The following HERC5 variants were observed in gnomAD, a reference collection of about 807,000 sequenced individuals.
HERC5 encodes E3 ISG15--protein ligase HERC5.
Under a neutral mutation model 119.6 loss-of-function variants are expected in HERC5, and 99 were observed. The ratio of observed to expected loss-of-function variants is 0.83; its 90% CI spans 0.70 to 0.98. The LOEUF is 0.98. Among genes scored for constraint, HERC5 ranks in the 50% least tolerant of loss-of-function variants. The pLI is 0.00. For missense variants in HERC5, 1,267 were observed against 1,241.3 expected, an observed-to-expected ratio of 1.02 and a Z score of -0.31; for synonymous variants, 478 against 445.9, an observed-to-expected ratio of 1.07 and a Z score of -0.91.
chr4:88,487,088 A>G lies in HERC5; in HGVS notation c.1871A>G (p.Gln624Arg). Residue 624 changes from glutamine (Q) to arginine (R), a missense_variant, in exon 15 of 23, where the codon CAA (glutamine) becomes CGA (arginine). This residue lies in a region of HERC5 where 17 missense variants were observed against 37.7 expected (regional missense o/e 0.45). Coordinates refer to ENST00000264350, the MANE Select transcript of HERC5 (RefSeq NM_016323.4). ...TTTTAGGACGCTTCAGAAAATGTAC[A>G]ATGCTGCGTCATATTCAGTCACTTT... ...KMTVDASENV[Q>R]CCVIFSHFPF... is the part of the protein sequence containing the mutation. 1 of 1,610,618 alleles carries G rather than the reference A, an allele frequency of 6.2e-7. No homozygotes were observed. Among genetic ancestry groups the G allele is most frequent in the Non-Finnish European group, 8.5e-7 (1 of 1,178,106 alleles).
intron 12 of HERC5, 39 bp downstream of exon 12, chr4:88,476,069 C>A (rs745390567): frequency 2.0e-6 from 3 of 1,516,580 alleles, no homozygotes; most frequent in South Asian, 1.2e-5. Flanking sequence ...CCTGTCTTCT[C>A]AGTGGAAAGA....
Position 88,493,156 on chromosome 4 carries a change from G to A in HERC5, c.2277+1G>A. 6.2e-7 allele frequency: 1 copy of A among 1,613,536 alleles called. No individual in the cohort carries two copies. The highest frequency in any genetic ancestry group is 8.5e-7 in the Non-Finnish European group (1 of 1,179,742). ...TTCCTGCATGTGGTTTCCTGTCAAG[G>A]TAAGTTCCCTCTTCTTTGCTTAAGG... On this transcript the variant is annotated splice_donor_variant, in intron 17 of 22. Transcript: ENST00000264350. LOFTEE classifies it high-confidence loss of function.
In HERC5 at chr4:88,494,175, A is replaced by G. The variant is rs1367401249; in HGVS notation, c.2288A>G (p.Glu763Gly). ...TTTTTCGCTTTTCAGCCTAAATTTG[A>G]GAAGAAAAGATACTTCTTTTTTGGG... is the stretch of plus-strand genomic sequence containing the variant. ...CMWFPVKPKF[E>G]KKRYFFFGVL... is the part of the protein sequence containing the mutation. The change falls in exon 18 of 23, where the codon GAG becomes GGG. Residue 763 changes from glutamate to glycine, a missense_variant. Glu to Gly is a moderately conservative substitution (Grantham distance 98, BLOSUM62 -2). Transcript: ENST00000264350. 3 of 1,602,156 alleles carry G rather than the reference A, an allele frequency of 1.9e-6. No individual in the cohort carries two copies. Among genetic ancestry groups the G allele is most frequent in the Non-Finnish European group, 2.6e-6 (3 of 1,176,258 alleles).
At chr4:88,466,693 T>C (rs1387561793) in intron 6 of HERC5, among the ~76,000 whole-genome samples, 2 of 152,166 alleles carry the variant, frequency 1.3e-5, no homozygotes. Flanking sequence ...TAAAGGTCTT[T>C]GAGAAATTAA....
intron 12 of HERC5, among the ~76,000 whole-genome samples, chr4:88,478,754 A>G (rs1741169769): frequency 6.6e-6 from 1 of 151,788 alleles, no homozygotes; most frequent in South Asian, 2.1e-4. Flanking sequence ...TGGGCCACAG[A>G]CATGTGCCAC....
chr4:88,492,580 C>G (rs910528871), intron 16 of HERC5, among the ~76,000 whole-genome samples: 1 of 151,732 alleles, frequency 6.6e-6, no homozygotes, highest in Middle Eastern at 3.4e-3. Flanking sequence ...CCCGTCTCTA[C>G]TTAAAATACA....
At chr4:88,459,257 C>T in intron 1 of HERC5, 90 bp from the exon 2 acceptor site, 6 of 1,126,886 alleles carry the variant, frequency 5.3e-6, no homozygotes, top group Non-Finnish European at 3.6e-6. Flanking sequence ...GAAATTTTTC[C>T]CAGATGTTTT....
chr4:88,488,240 T>C (rs1336877405), intron 15 of HERC5, among the ~76,000 whole-genome samples: 1 of 151,080 alleles, frequency 6.6e-6, no homozygotes, highest in South Asian at 2.1e-4. Flanking sequence ...TTTTCTTTTT[T>C]TTTTTTTTTG....
chr4:88,473,847 G>C (rs1013953264), intron 11 of HERC5: 3 of 152,174 alleles, frequency 2.0e-5, no homozygotes, highest in African/African-American at 7.2e-5. Context: ...GGCTCCTTCT[G>C]TTTACTAATT....
chr4:88,494,864 C>T (rs1004515589), intron 18 of HERC5, among the ~76,000 whole-genome samples: 5 of 152,170 alleles, frequency 3.3e-5, no homozygotes, highest in African/African-American at 1.2e-4. Flanking sequence ...CACCAGTGCT[C>T]ATAGAATGCA....
chr4:88,500,077 T>TAAA, intron 19 of HERC5, 85 bp downstream of exon 19: 3 of 725,854 alleles, frequency 4.1e-6, no homozygotes, highest in Non-Finnish European at 6.7e-6. Flanking sequence ...AACTTTTACT[T>TAAA]AAAAAAAAAA....
Position 88,505,603 on chromosome 4 carries a change from A to T in HERC5, c.2870-70A>T, listed in dbSNP as rs77117111. 456 of 892,182 alleles carry T rather than the reference A, an allele frequency of 5.1e-4. 3 individuals carry two copies. The African/African-American group carries it at 7.3e-3, about 14-fold the overall frequency. 55.3% of individuals were successfully genotyped at this position (892,182 alleles called of 1,614,324 possible). A position where few individuals can be genotyped will look rare whatever the true frequency, so the allele number is the denominator to read the frequency against. On this transcript the variant is annotated intron_variant, in intron 22 of 22. Transcript: ENST00000264350. Reference sequence around the variant, plus strand: ...CCAGTGAAGTTTTGTGAATAAATAGATTTTTTTCTCTGTAAAGAGATTTTG... The same window carrying T: ...CCAGTGAAGTTTTGTGAATAAATAGTTTTTTTTCTCTGTAAAGAGATTTTG...
intron 16 of HERC5, among the ~76,000 whole-genome samples, chr4:88,492,783 C>A (rs1382204283): frequency 6.6e-6 from 1 of 151,964 alleles, no homozygotes; most frequent in Non-Finnish European, 1.5e-5. Flanking sequence ...GGCTGCACCA[C>A]CTGACTATTG....
intron 6 of HERC5, among the ~76,000 whole-genome samples, chr4:88,465,064 C>T (rs1740609588): frequency 6.6e-6 from 1 of 152,200 alleles, no homozygotes; most frequent in South Asian, 2.1e-4. Context: ...GCCACTGCAC[C>T]TGGCCACAAC....
At position 88,457,473 on chromosome 4, in the gene HERC5, C is replaced by T; in HGVS notation, c.204C>T (p.Arg68=). ...CGGGGCGCCTCGCGGTCTTGGAACG[C>T]GGCGGGGCGGGCGTCCAGGTTCACC... ...CSPGRLAVLE[R]GGAGVQVHQL... is the part of the protein sequence containing the mutation. Residue 68 remains arginine, a synonymous_variant, in exon 1 of 23, where the codon CGC becomes CGT. Coordinates refer to ENST00000264350, the MANE Select transcript of HERC5 (RefSeq NM_016323.4). 2.3e-6 allele frequency: 3 copies of T among 1,326,870 alleles called. No individual in the cohort carries two copies. Among genetic ancestry groups the T allele is most frequent in the African/African-American group, 1.5e-5 (1 of 66,314 alleles). 82.2% of individuals were successfully genotyped at this position (1,326,870 alleles called of 1,614,324 possible). A position where few individuals can be genotyped will look rare whatever the true frequency, so the allele number is the denominator to read the frequency against.
At chr4:88,484,443 A>G (rs926181452) in intron 13 of HERC5, among the ~76,000 whole-genome samples, 6 of 152,192 alleles carry the variant, frequency 3.9e-5, no homozygotes, top group Admixed American at 2.0e-4. Context: ...GCTCCTAGAG[A>G]TACCACCAGT....
intron 4 of HERC5, among the ~76,000 whole-genome samples, chr4:88,463,318 AGGTG>A (rs1247104940): frequency 6.6e-6 from 1 of 152,240 alleles, no homozygotes; most frequent in Non-Finnish European, 1.5e-5. Flanking sequence ...ACCCTTTCAC[AGGTG>A]GGTGCCCCTA....
intron 12 of HERC5, among the ~76,000 whole-genome samples, chr4:88,476,649 G>A (rs546114358): frequency 7.2e-5 from 11 of 152,176 alleles, no homozygotes; most frequent in East Asian, 1.9e-4. Flanking sequence ...GGCCGGGCAC[G>A]GTGGCTCATG....
chr4:88,472,586 T>C (rs1740911431), intron 11 of HERC5, 84 bp downstream of exon 11: 2 of 824,164 alleles, frequency 2.4e-6, no homozygotes, highest in Non-Finnish European at 4.1e-6. Context: ...AAATGTTTTG[T>C]GTTAAGGGAT....
Sources: gnomAD v4.1 joint callset for allele counts (sites outside exome capture counted in the v4.1 genomes callset) on GRCh38, gnomAD v4.1.1 for gene constraint, gnomAD v4.1.1 regional missense constraint, MANE v1.5 for transcripts, NCBI Gene and HGNC (gene_info 2026-07-23, HGNC 2026-07-21) for gene names.